Variants in COBL observed in about 807,000 individuals in gnomAD.
The protein encoded by COBL is protein cordon-bleu.
A neutral mutation model predicts 98.8 loss-of-function variants in COBL; 51 were observed. The observed-to-expected ratio is 0.52, with a 90% CI of 0.41 to 0.65. The LOEUF is 0.65. COBL is among the 30% of genes least tolerant of loss of function. The pLI, the probability that COBL is intolerant of heterozygous loss-of-function variation, is 0.00. For missense variants in COBL, 1,617 were observed against 1,617.5 expected (o/e 1.00, Z 0.01); for synonymous variants, 634 against 651.7 (o/e 0.97, Z 0.41).
chr7:51,115,952 A>C (rs1221342908), intron 6 of COBL, among the ~76,000 whole-genome samples: 1 of 152,142 alleles, frequency 6.6e-6, no homozygotes, highest in East Asian at 1.9e-4. Flanking sequence ...TTGATTCTTT[A>C]ATCATTATGA....
intron 7 of COBL, among the ~76,000 whole-genome samples, chr7:51,080,508 G>A (rs981940777): frequency 1.3e-5 from 2 of 152,104 alleles, no homozygotes; most frequent in Non-Finnish European, 2.9e-5. Context: ...CCTCTGTACC[G>A]CTTATGGTGG....
At chr7:51,044,760 C>T (rs528078847) in intron 7 of COBL, among the ~76,000 whole-genome samples, 2 of 152,182 alleles carry the variant, frequency 1.3e-5, no homozygotes, top group African/African-American at 2.4e-5. Flanking sequence ...CAAAATCATG[C>T]ACTGAGAGTG....
chr7:51,304,055 C>T (rs1425012725), intron 1 of COBL, among the ~76,000 whole-genome samples: 2 of 152,166 alleles, frequency 1.3e-5, no homozygotes, highest in Non-Finnish European at 2.9e-5. Flanking sequence ...TCCCCCAAAA[C>T]CACTCACTGG....
intron 5 of COBL, among the ~76,000 whole-genome samples, chr7:51,168,338 A>G (rs1787525397): frequency 6.6e-6 from 1 of 152,140 alleles, no homozygotes; most frequent in Non-Finnish European, 1.5e-5. Flanking sequence ...TGAGAGGCTG[A>G]GGCAGGAGAA....
chr7:51,151,561 G>C (rs1785560411), intron 5 of COBL, among the ~76,000 whole-genome samples: 1 of 152,188 alleles, frequency 6.6e-6, no homozygotes, highest in African/African-American at 2.4e-5. Context: ...TTTGAGCCTT[G>C]TTAACCATTC....
chr7:51,232,628 A>G (rs575272497), intron 1 of COBL, among the ~76,000 whole-genome samples: 48 of 152,218 alleles, frequency 3.2e-4, no homozygotes, highest in African/African-American at 7.5e-4. Context: ...TGGCTAACAC[A>G]GTGAAACCCT....
chr7:51,176,389 T>C (rs944413049), intron 5 of COBL, among the ~76,000 whole-genome samples: 7 of 151,946 alleles, frequency 4.6e-5, no homozygotes, highest in Non-Finnish European at 7.4e-5. Flanking sequence ...ATATTTGGGA[T>C]ATATATGTAT....
chr7:51,187,331 T>TACACACAC (rs1303777271), intron 4 of COBL, among the ~76,000 whole-genome samples: 17 of 101,452 alleles, frequency 1.7e-4, no homozygotes, highest in African/African-American at 5.6e-4. Context: ...TATATATATA[T>TACACACAC]ACACACACAC....
At chr7:51,273,839 A>G (rs1799022060) in intron 1 of COBL, among the ~76,000 whole-genome samples, 1 of 152,152 alleles carries the variant, frequency 6.6e-6, no homozygotes, top group Non-Finnish European at 1.5e-5. Flanking sequence ...GGGAATGCCA[A>G]CGCCTCATAA....
At chr7:51,312,709 G>A (rs1212055011) in intron 1 of COBL, among the ~76,000 whole-genome samples, 3 of 152,030 alleles carry the variant, frequency 2.0e-5, no homozygotes, top group African/African-American at 7.3e-5. Flanking sequence ...GGGGGCTGTC[G>A]CTCTGCCTGG....
chr7:51,108,362 CTT>C (rs1332571281), intron 6 of COBL, among the ~76,000 whole-genome samples: 1 of 152,148 alleles, frequency 6.6e-6, no homozygotes, highest in Admixed American at 6.5e-5. Context: ...ATACACCACG[CTT>C]TATGTGCTGG....
At chr7:51,239,579 T>TTTTG (rs1795582081) in intron 1 of COBL, among the ~76,000 whole-genome samples, 1 of 152,246 alleles carries the variant, frequency 6.6e-6, no homozygotes, top group Non-Finnish European at 1.5e-5. Context: ...GTAGCCATTC[T>TTTTG]TTTGTTTCTT....
chr7:51,103,356 G>A (rs1795980585), intron 6 of COBL, among the ~76,000 whole-genome samples: 2 of 152,100 alleles, frequency 1.3e-5, no homozygotes, highest in African/African-American at 4.8e-5. Context: ...TGGTGTCCAT[G>A]TGCTCTTAGC....
intron 1 of COBL, among the ~76,000 whole-genome samples, chr7:51,305,067 T>C (rs1037188389): frequency 3.3e-4 from 51 of 152,304 alleles, no homozygotes; most frequent in African/African-American, 1.2e-3. Context: ...TATGTCACTG[T>C]GACACAACAA....
intron 1 of COBL, among the ~76,000 whole-genome samples, chr7:51,247,886 C>G (rs1278261170): frequency 1.3e-5 from 2 of 152,174 alleles, no homozygotes; most frequent in Non-Finnish European, 1.5e-5. Flanking sequence ...GCACTGTAAT[C>G]CCTGCACTTT....
chr7:51,274,705 TA>T (rs947779269), intron 1 of COBL, among the ~76,000 whole-genome samples: 5 of 152,220 alleles, frequency 3.3e-5, no homozygotes, highest in African/African-American at 1.2e-4. Context: ...TTTCATTCAA[TA>T]AATGACTTTC....
intron 7 of COBL, among the ~76,000 whole-genome samples, chr7:51,048,621 C>T (rs990201737): frequency 2.6e-5 from 4 of 151,786 alleles, no homozygotes; most frequent in Admixed American, 2.0e-4. Context: ...ACTGAATGTA[C>T]TTTATGCTTG....
chr7:51,103,588 GT>G (rs932363218), intron 6 of COBL, among the ~76,000 whole-genome samples: 2 of 151,754 alleles, frequency 1.3e-5, no homozygotes, highest in Admixed American at 6.6e-5. Flanking sequence ...TTATGATTTA[GT>G]TTTTTTTACC....
intron 1 of COBL, chr7:51,259,974 G>T: frequency 1.3e-6 from 1 of 751,510 alleles, no homozygotes; most frequent in Non-Finnish European, 2.4e-6. Flanking sequence ...GATGCATCTT[G>T]TCACGTTTCT....
Sources: allele counts gnomAD v4.1 joint callset (sites outside exome capture counted in the v4.1 genomes callset), GRCh38; gene constraint gnomAD v4.1.1; transcripts MANE v1.5; gene names NCBI Gene and HGNC (gene_info 2026-07-23, HGNC 2026-07-21).